Variants in ATOSA observed in about 807,000 individuals in gnomAD.
The protein encoded by ATOSA is atos homolog protein A.
the ATOSA span, among the ~76,000 whole-genome samples, chr15:52,686,054 A>C: frequency 6.6e-6 from 1 of 152,146 alleles, no homozygotes; most frequent in African/African-American, 2.4e-5. Context: ...CATATAAATT[A>C]ATTTTCTCTT....
chr15:52,697,098 T>C, the ATOSA span, among the ~76,000 whole-genome samples: 1 of 152,190 alleles, frequency 6.6e-6, no homozygotes, highest in African/African-American at 2.4e-5. Flanking sequence ...TTGGCTAACT[T>C]TTTCTGCTTT....
chr15:52,619,324 C>T, the ATOSA span, among the ~76,000 whole-genome samples: 2 of 152,094 alleles, frequency 1.3e-5, no homozygotes, highest in African/African-American at 4.8e-5. Context: ...CTAAACACAA[C>T]AGCAAAGTTT....
the ATOSA span, among the ~76,000 whole-genome samples, chr15:52,675,226 G>A: frequency 1.3e-5 from 2 of 152,062 alleles, no homozygotes; most frequent in Non-Finnish European, 2.9e-5. Context: ...AATCTATCAT[G>A]CTATACCATA....
the ATOSA span, among the ~76,000 whole-genome samples, chr15:52,705,757 C>T: frequency 6.6e-6 from 1 of 152,154 alleles, no homozygotes; most frequent in African/African-American, 2.4e-5. Context: ...ACCCCCAGCC[C>T]CACCATCTCA....
chr15:52,692,687 G>A, the ATOSA span, among the ~76,000 whole-genome samples: 1 of 152,086 alleles, frequency 6.6e-6, no homozygotes, highest in Non-Finnish European at 1.5e-5. Flanking sequence ...TAGAGATGGG[G>A]TCTCACTCTG....
the ATOSA span, among the ~76,000 whole-genome samples, chr15:52,652,932 A>G: frequency 6.6e-6 from 1 of 152,330 alleles, no homozygotes; most frequent in South Asian, 2.1e-4. Flanking sequence ...TGTTTGGGAG[A>G]ATCAATGAAG....
At chr15:52,651,611 A>C in the ATOSA span, among the ~76,000 whole-genome samples, 3 of 152,164 alleles carry the variant, frequency 2.0e-5, no homozygotes, top group Middle Eastern at 3.2e-3. Context: ...AAGTGAGCAC[A>C]TTGTACTTGG....
the ATOSA span, among the ~76,000 whole-genome samples, chr15:52,681,084 A>G: frequency 2.6e-5 from 4 of 152,266 alleles, no homozygotes; most frequent in Non-Finnish European, 5.9e-5. Context: ...CAAGACTATT[A>G]GTGTGTAGCA....
the ATOSA span, among the ~76,000 whole-genome samples, chr15:52,703,170 T>C: frequency 2.0e-4 from 30 of 152,298 alleles, no homozygotes; most frequent in African/African-American, 7.2e-4. Context: ...CATGGTTCGA[T>C]TTTTATATGC....
the ATOSA span, among the ~76,000 whole-genome samples, chr15:52,701,176 A>G: frequency 1.3e-5 from 2 of 152,226 alleles, no homozygotes; most frequent in African/African-American, 4.8e-5. Context: ...TAGAAAAAGA[A>G]CATATAGAAA....
chr15:52,625,759 T>C, the ATOSA span, among the ~76,000 whole-genome samples: 1 of 152,208 alleles, frequency 6.6e-6, no homozygotes, highest in Non-Finnish European at 1.5e-5. Flanking sequence ...TATTAAATTG[T>C]CATGTAAAAC....
At chr15:52,601,487 T>C in the ATOSA span, among the ~76,000 whole-genome samples, 1 of 150,910 alleles carries the variant, frequency 6.6e-6, no homozygotes, top group East Asian at 1.9e-4. Flanking sequence ...TGTATACTTC[T>C]CTATTTTTTT....
At chr15:52,633,326 T>C in the ATOSA span, among the ~76,000 whole-genome samples, 2 of 152,214 alleles carry the variant, frequency 1.3e-5, no homozygotes, top group African/African-American at 4.8e-5. Flanking sequence ...TTTATTCTTA[T>C]ACTTTAAACC....
the ATOSA span, among the ~76,000 whole-genome samples, chr15:52,684,679 C>T: frequency 1.8e-4 from 27 of 152,256 alleles, no homozygotes; most frequent in East Asian, 3.1e-3. Flanking sequence ...TTTTAACTGC[C>T]GATTTTAGGA....
chr15:52,650,310 T>G, the ATOSA span, among the ~76,000 whole-genome samples: 4 of 152,198 alleles, frequency 2.6e-5, no homozygotes, highest in Admixed American at 6.5e-5. Flanking sequence ...CCAAATAATA[T>G]AACTTTATTT....
the ATOSA span, among the ~76,000 whole-genome samples, chr15:52,617,042 A>G: frequency 6.6e-6 from 1 of 152,202 alleles, no homozygotes; most frequent in Non-Finnish European, 1.5e-5. Context: ...CAAAAATAAA[A>G]AAAATTGCTA....
chr15:52,653,039 G>A, the ATOSA span, among the ~76,000 whole-genome samples: 2 of 152,174 alleles, frequency 1.3e-5, no homozygotes, highest in African/African-American at 2.4e-5. Flanking sequence ...TGGTTCAAAC[G>A]TTTAAAGCAA....
chr15:52,646,264 T>C, the ATOSA span, among the ~76,000 whole-genome samples: 2 of 152,196 alleles, frequency 1.3e-5, no homozygotes, highest in Non-Finnish European at 2.9e-5. Flanking sequence ...GGTGAGAAAC[T>C]TGGGCACACA....
the ATOSA span, among the ~76,000 whole-genome samples, chr15:52,621,337 T>C: frequency 1.3e-5 from 2 of 152,192 alleles, no homozygotes; most frequent in Non-Finnish European, 2.9e-5. Context: ...AGCAAACACA[T>C]AATCCCACAT....
Sources: gnomAD v4.1 joint callset for allele counts (sites outside exome capture counted in the v4.1 genomes callset) on GRCh38, gnomAD v4.1.1 for gene constraint, MANE v1.5 for transcripts, NCBI Gene and HGNC (gene_info 2026-07-23, HGNC 2026-07-21) for gene names.